The following SEPHS1 variants were observed in gnomAD, a reference collection of about 807,000 sequenced individuals.
SEPHS1 encodes zincore component SEPHS1.
In SEPHS1, 7 loss-of-function variants were observed where a neutral mutation model predicts 39.2. The ratio of observed to expected loss-of-function variants is 0.18; its 90% CI spans 0.10 to 0.34. The LOEUF (loss-of-function observed/expected upper bound fraction) is 0.34. SEPHS1 is among the 10% of genes least tolerant of loss of function. SEPHS1 has a pLI of 1.00. For missense variants in SEPHS1, 253 were observed against 514.5 expected, an observed-to-expected ratio of 0.49 and a Z score of 4.92; for synonymous variants, 190 against 195.5, an observed-to-expected ratio of 0.97 and a Z score of 0.23.
intron 7 of SEPHS1, among the ~76,000 whole-genome samples, chr10:13,327,831 AG>A (rs1289673400): frequency 6.6e-6 from 1 of 152,256 alleles, no homozygotes; most frequent in African/African-American, 2.4e-5. Context: ...GGAGACTCTC[AG>A]GAACAATGGT....
At chr10:13,331,582 C>T (rs1401421941) in intron 5 of SEPHS1, among the ~76,000 whole-genome samples, 1 of 152,128 alleles carries the variant, frequency 6.6e-6, no homozygotes, top group Admixed American at 6.6e-5. Flanking sequence ...AGGGTTTCAC[C>T]ATGTTGGCCA....
intron 4 of SEPHS1, 26 bp downstream of exon 4, chr10:13,336,217 G>T: frequency 2.6e-6 from 4 of 1,514,606 alleles, no homozygotes; most frequent in Non-Finnish European, 3.7e-6. Context: ...CACGGACCAG[G>T]CAGCAGCCGG....
rs116438023 is a variant in SEPHS1, at chr10:13,320,179, G to A, written c.965-823C>T. ...CCTTTGTTGCTCTTTCCAGTAAATA[G>A]GCCATAAATTTTTTTTTTTTTTGAG... On this transcript the variant is annotated intron_variant, in intron 8 of 8. Coordinates refer to ENST00000327347, the MANE Select transcript of SEPHS1 (RefSeq NM_012247.5). Among the ~76,000 whole-genome samples, 587 of 152,112 alleles carry A rather than the reference G, an allele frequency of 3.9e-3. 5 individuals are homozygous for A. Among genetic ancestry groups the A allele is most frequent in the African/African-American group, 0.013 (543 of 41,502 alleles).
intron 8 of SEPHS1, among the ~76,000 whole-genome samples, chr10:13,321,845 G>A (rs555238913): frequency 2.0e-5 from 3 of 152,228 alleles, no homozygotes; most frequent in Non-Finnish European, 1.5e-5. Context: ...AGAGGAGGAC[G>A]TCCCACAAGT....
rs768619457 is a variant in SEPHS1, at chr10:13,336,285, A to G, written c.363T>C (p.Asn121=). The change falls in exon 4 of 9, where the codon AAT becomes AAC. Residue 121 remains asparagine, a synonymous_variant. Coordinates refer to ENST00000327347, the MANE Select transcript of SEPHS1 (RefSeq NM_012247.5). ...TACTGACTCCAAGGAGCATCAGCAT[A>G]TTGTCACATTCCGTGACCCCCATTG... is the stretch of plus-strand genomic sequence containing the variant. ...LYAMGVTECD[N]MLMLLGVSNK... The G allele has an allele frequency of 1.1e-5, 18 of 1,613,854 alleles. No homozygotes were observed. The highest frequency in any genetic ancestry group is 3.3e-5 in the Admixed American group (2 of 59,976).
At chr10:13,342,675 T>C (rs992168133) in intron 2 of SEPHS1, among the ~76,000 whole-genome samples, 1 of 152,110 alleles carries the variant, frequency 6.6e-6, no homozygotes, top group East Asian at 1.9e-4. Context: ...GTATTATATA[T>C]GTAAGTACAG....
intron 7 of SEPHS1, among the ~76,000 whole-genome samples, chr10:13,325,587 A>C (rs1161657408): frequency 1.3e-5 from 2 of 152,200 alleles, no homozygotes; most frequent in Non-Finnish European, 2.9e-5. Flanking sequence ...CAGCCATGTG[A>C]AACTGTGAGT....
chr10:13,337,896 C>T (rs764545977), intron 3 of SEPHS1, among the ~76,000 whole-genome samples: 6 of 152,232 alleles, frequency 3.9e-5, no homozygotes, highest in Non-Finnish European at 7.3e-5. Context: ...ACACCCCCCA[C>T]GTGGCTGCCT....
At chr10:13,340,002 G>A (rs894897560) in intron 2 of SEPHS1, among the ~76,000 whole-genome samples, 7 of 152,116 alleles carry the variant, frequency 4.6e-5, no homozygotes, top group African/African-American at 1.7e-4. Context: ...CCAGAATTAG[G>A]ACAAAAGGAA....
intron 3 of SEPHS1, among the ~76,000 whole-genome samples, chr10:13,338,342 C>A (rs1222490789): frequency 6.6e-6 from 1 of 152,176 alleles, no homozygotes; most frequent in African/African-American, 2.4e-5. Flanking sequence ...GCCTAAAACA[C>A]AGGGGTGATG....
At chr10:13,322,574 TAC>T (rs2131686315) in intron 8 of SEPHS1, among the ~76,000 whole-genome samples, 1 of 152,354 alleles carries the variant, frequency 6.6e-6, no homozygotes, top group African/African-American at 2.4e-5. Context: ...AACTGAATGC[TAC>T]CTTATTTCCC....
At position 13,329,764 on chromosome 10, in the gene SEPHS1, G is replaced by A. The variant is rs1424627317; in HGVS notation, c.585C>T (p.Asp195=). ...CCAGGGGTTTTGTCAGCACCAGCAC[G>A]TCCCCTGGCACTGCATTGTCTGGCC... ...FIMPDNAVPG[D]VLVLTKPLGT... is the part of the protein sequence containing the mutation. The change falls in exon 6 of 9, where the codon GAC becomes GAT. Residue 195 remains aspartate (D), a synonymous_variant. Coordinates refer to ENST00000327347, the MANE Select transcript of SEPHS1 (RefSeq NM_012247.5). The A allele has an allele frequency of 8.1e-6, 13 of 1,609,272 alleles. No individual in the cohort carries two copies. The highest frequency in any genetic ancestry group is 1.7e-5 in the Admixed American group (1 of 59,188).
chr10:13,335,483 G>A (rs538024689), intron 4 of SEPHS1, among the ~76,000 whole-genome samples: 1 of 151,088 alleles, frequency 6.6e-6, no homozygotes, highest in South Asian at 2.1e-4. Context: ...GACCAACATG[G>A]TGAAACCCCA....
At chr10:13,321,955 G>A in intron 8 of SEPHS1, 1 of 402,246 alleles carries the variant, frequency 2.5e-6, no homozygotes, top group South Asian at 1.8e-5. Context: ...TCAAACTACT[G>A]GGGCGTATGG....
chr10:13,321,613 AAG>A (rs1487175311), intron 8 of SEPHS1, among the ~76,000 whole-genome samples: 1 of 152,224 alleles, frequency 6.6e-6, no homozygotes, highest in Non-Finnish European at 1.5e-5. Flanking sequence ...GAAATAGAAA[AAG>A]AGAGAAACCG....
In SEPHS1 at chr10:13,348,176, TCGGCGCGGCCCTGCGGGAGCCGGGC is replaced by T. The variant is rs890695233; in HGVS notation, c.-280_-256del. ...TGGGCGCCGCGGGGGCTCGCCTGCC[TCGGCGCGGCCCTGCGGGAGCCGGGC>T]CGCCGCGCTCCCGCCGGCTGGGCGC... On this transcript the variant is annotated 5_prime_UTR_variant, in exon 1 of 9. Coordinates refer to ENST00000327347, the MANE Select transcript of SEPHS1 (RefSeq NM_012247.5). The T allele has an allele frequency of 3.5e-5, 5 of 142,834 alleles. No homozygotes were observed. The highest frequency in any genetic ancestry group is 1.3e-4 in the African/African-American group (5 of 39,684). 8.8% of individuals were successfully genotyped at this position (142,834 alleles called of 1,614,324 possible).
chr10:13,344,026 G>C lies in SEPHS1; in HGVS notation c.193+732C>G, dbSNP rs540825765. 1.5e-4 allele frequency among the ~76,000 whole-genome samples: 23 copies of C among 152,260 alleles called. No homozygotes were observed. The East Asian group carries it at 4.2e-3, about 28-fold the overall frequency. Reference sequence around the variant, plus strand: ...AAAGTGAAATCACTCATGACATCAGGAATGTAGTAAAGAAAAAGACATTGC... The same window carrying C: ...AAAGTGAAATCACTCATGACATCAGCAATGTAGTAAAGAAAAAGACATTGC... On this transcript the variant is annotated intron_variant, in intron 2 of 8. Coordinates refer to ENST00000327347, the MANE Select transcript of SEPHS1 (RefSeq NM_012247.5).
At chr10:13,330,085 C>A (rs1438286460) in intron 5 of SEPHS1, among the ~76,000 whole-genome samples, 1 of 152,078 alleles carries the variant, frequency 6.6e-6, no homozygotes, top group Non-Finnish European at 1.5e-5. Flanking sequence ...CCAGCCTGGG[C>A]AACACAACAA....
chr10:13,322,405 T>G (rs1010216737), intron 8 of SEPHS1, among the ~76,000 whole-genome samples: 7 of 152,088 alleles, frequency 4.6e-5, no homozygotes, highest in Non-Finnish European at 1.0e-4. Flanking sequence ...CTCAGCCTCC[T>G]GAGGTGCCAG....
Sources: allele counts gnomAD v4.1 joint callset (sites outside exome capture counted in the v4.1 genomes callset), GRCh38; gene constraint gnomAD v4.1.1; transcripts MANE v1.5; gene names NCBI Gene and HGNC (gene_info 2026-07-23, HGNC 2026-07-21).